Variants in CEP112 observed in about 807,000 individuals in gnomAD.
CEP112 encodes the protein centrosomal protein of 112 kDa.
Under a neutral mutation model 153.0 loss-of-function variants are expected in CEP112, and 127 were observed. The observed-to-expected ratio is 0.83, with a 90% CI of 0.72 to 0.96. The LOEUF is 0.96. Among genes scored for constraint, CEP112 ranks in the 40% least tolerant of loss-of-function variants. CEP112 has a pLI of 0.00. For synonymous variants in CEP112, 358 were observed against 374.4 expected, an observed-to-expected ratio of 0.96 and a Z score of 0.51; for missense variants, 1,089 against 1,101.2, an observed-to-expected ratio of 0.99 and a Z score of 0.16.
intron 5 of CEP112, among the ~76,000 whole-genome samples, chr17:66,130,645 G>T (rs373462458): frequency 6.6e-6 from 1 of 151,870 alleles, no homozygotes; most frequent in Non-Finnish European, 1.5e-5. Context: ...GCGTGGTGGT[G>T]GGCACCTGTA....
chr17:65,693,602 A>T (rs1450307762), intron 23 of CEP112, among the ~76,000 whole-genome samples: 1 of 152,200 alleles, frequency 6.6e-6, no homozygotes, highest in Non-Finnish European at 1.5e-5. Context: ...CCAAGGCTTT[A>T]AGATGGAGTG....
chr17:66,014,580 A>C (rs2064690521), intron 16 of CEP112, among the ~76,000 whole-genome samples: 1 of 151,998 alleles, frequency 6.6e-6, no homozygotes, highest in Non-Finnish European at 1.5e-5. Context: ...CCATCTCTCT[A>C]AGCAACTCTC....
chr17:66,158,388 G>A (rs1375101897), intron 4 of CEP112, among the ~76,000 whole-genome samples: 8 of 152,030 alleles, frequency 5.3e-5, no homozygotes, highest in Non-Finnish European at 8.8e-5. Flanking sequence ...CGAGGGAGGC[G>A]GATCATGAGG....
intron 20 of CEP112, among the ~76,000 whole-genome samples, chr17:65,894,904 A>G (rs1445167978): frequency 6.6e-6 from 1 of 152,170 alleles, no homozygotes; most frequent in Non-Finnish European, 1.5e-5. Context: ...ACCTCAAAAG[A>G]AAGACATAGT....
intron 19 of CEP112, among the ~76,000 whole-genome samples, chr17:65,916,289 G>GTGTA (rs1555711317): frequency 8.8e-4 from 129 of 147,342 alleles, no homozygotes; most frequent in African/African-American, 1.6e-3. Context: ...GTGTGTGTGT[G>GTGTA]TGTATGTGTG....
intron 21 of CEP112, among the ~76,000 whole-genome samples, chr17:65,814,356 A>G (rs2056148241): frequency 6.6e-6 from 1 of 152,188 alleles, no homozygotes; most frequent in South Asian, 2.1e-4. Context: ...CAACACAGTC[A>G]TCAGGCATAT....
chr17:66,172,140 C>T (rs1377439287), intron 4 of CEP112, among the ~76,000 whole-genome samples: 2 of 152,322 alleles, frequency 1.3e-5, no homozygotes, highest in South Asian at 2.1e-4. Flanking sequence ...AATGCATTCA[C>T]TGTTGAATAT....
chr17:65,920,359 C>CAAACAAAAAA (rs1178505560), intron 19 of CEP112, among the ~76,000 whole-genome samples: 2 of 29,828 alleles, frequency 6.7e-5, no homozygotes, highest in African/African-American at 2.6e-4. Context: ...AACAAACAAA[C>CAAACAAAAAA]AAAATATATA....
intron 1 of CEP112, among the ~76,000 whole-genome samples, chr17:66,186,322 G>A (rs1424785110): frequency 6.6e-6 from 1 of 151,580 alleles, no homozygotes; most frequent in Non-Finnish European, 1.5e-5. Flanking sequence ...CGTTTTTTGA[G>A]ACAGAATCTC....
intron 21 of CEP112, among the ~76,000 whole-genome samples, chr17:65,831,554 C>A (rs2146120044): frequency 1.4e-5 from 2 of 143,082 alleles, no homozygotes; most frequent in African/African-American, 2.6e-5. Flanking sequence ...GAGACTCCTT[C>A]TCAAAAAAAA....
At chr17:65,709,554 T>G (rs147351071) in intron 23 of CEP112, among the ~76,000 whole-genome samples, 26 of 152,282 alleles carry the variant, frequency 1.7e-4, no homozygotes, top group African/African-American at 6.3e-4. Context: ...ATGATTCAAT[T>G]ATCTCCCACT....
intron 20 of CEP112, among the ~76,000 whole-genome samples, chr17:65,899,550 C>G (rs1472894562): frequency 6.6e-6 from 1 of 151,984 alleles, no homozygotes; most frequent in Non-Finnish European, 1.5e-5. Context: ...AGGGAGTCCC[C>G]TAGTTGGAAC....
At chr17:65,829,424 A>G (rs1484237433) in intron 21 of CEP112, among the ~76,000 whole-genome samples, 1 of 152,182 alleles carries the variant, frequency 6.6e-6, no homozygotes, top group Non-Finnish European at 1.5e-5. Flanking sequence ...CCCATAATGT[A>G]TCTATGCAGC....
intron 12 of CEP112, among the ~76,000 whole-genome samples, chr17:66,052,330 T>G (rs2066477529): frequency 6.6e-6 from 1 of 152,176 alleles, no homozygotes; most frequent in African/African-American, 2.4e-5. Flanking sequence ...AGGGGACCAT[T>G]TGTATCAGTA....
chr17:66,161,832 A>T (rs946577498), intron 4 of CEP112, among the ~76,000 whole-genome samples: 7 of 152,066 alleles, frequency 4.6e-5, no homozygotes, highest in Admixed American at 6.6e-5. Context: ...AAAGTATATT[A>T]AAAAAAAGAA....
chr17:65,951,745 C>CACG, intron 18 of CEP112, among the ~76,000 whole-genome samples: 1 of 95,108 alleles, frequency 1.1e-5, no homozygotes, highest in African/African-American at 3.5e-5. Flanking sequence ...CTTCCCCCGC[C>CACG]CCCCCCTTTC....
intron 18 of CEP112, among the ~76,000 whole-genome samples, chr17:65,928,401 A>G (rs1002146399): frequency 6.6e-6 from 1 of 152,246 alleles, no homozygotes; most frequent in Non-Finnish European, 1.5e-5. Context: ...ATAGAGTTAC[A>G]TGTGTCCCAG....
intron 8 of CEP112, among the ~76,000 whole-genome samples, chr17:66,083,954 A>G (rs1457805375): frequency 6.6e-6 from 1 of 152,206 alleles, no homozygotes; most frequent in Non-Finnish European, 1.5e-5. Flanking sequence ...AGAAAAATAA[A>G]ATTTTTAAAT....
chr17:66,176,789 TAAATGAAA>T, intron 3 of CEP112, 33 bp downstream of exon 3: 1 of 1,461,338 alleles, frequency 6.8e-7, no homozygotes, highest in Non-Finnish European at 9.2e-7. Flanking sequence ...CGCTTTTTTT[TAAATGAAA>T]CTAATATATA....
Sources: allele counts gnomAD v4.1 joint callset (sites outside exome capture counted in the v4.1 genomes callset), GRCh38; gene constraint gnomAD v4.1.1; transcripts MANE v1.5; gene names NCBI Gene and HGNC (gene_info 2026-07-23, HGNC 2026-07-21).